The following EIF4EBP1 variants were observed in gnomAD, a reference collection of about 807,000 sequenced individuals.
The protein encoded by EIF4EBP1 is eukaryotic translation initiation factor 4E binding protein 1.
A neutral mutation model predicts 9.2 loss-of-function variants in EIF4EBP1; 5 were observed. The ratio of observed to expected loss-of-function variants is 0.54; its 90% CI spans 0.28 to 1.14. EIF4EBP1 has a LOEUF of 1.14. Ranked by LOEUF, EIF4EBP1 falls within the 50% of genes most tolerant of loss-of-function variation. The probability of loss-of-function intolerance (pLI) is 0.09; values close to 1 mark genes in which losing one functional copy is unlikely to be tolerated. For missense variants in EIF4EBP1, 139 were observed against 169.6 expected (o/e 0.82, Z 1.00); for synonymous variants, 62 against 67.0 (o/e 0.93, Z 0.36).
chr8:38,052,061 G>A (rs184120442), intron 1 of EIF4EBP1, among the ~76,000 whole-genome samples: 1 of 152,272 alleles, frequency 6.6e-6, no homozygotes, highest in East Asian at 1.9e-4. Context: ...GTTTTATGTG[G>A]AGGCCACCCT....
rs183859618 is a variant in EIF4EBP1 at position 38,033,994 on chromosome 8, C to T, written c.145+3276C>T. 7.9e-3 allele frequency among the ~76,000 whole-genome samples: 1,207 copies of T among 152,188 alleles called. 17 individuals are homozygous for T. Among genetic ancestry groups the T allele is most frequent in the African/African-American group, 0.028 (1,152 of 41,534 alleles). On this transcript the variant is annotated intron_variant, in intron 1 of 2. Coordinates refer to ENST00000338825, the MANE Select transcript of EIF4EBP1 (RefSeq NM_004095.4). ...ATCTCCTGACCTCGTGATCCGCCTG[C>T]ATTGGCCTCCCAAAGTACTGGGATT...
At chr8:38,031,393 G>A (rs1809217198) in intron 1 of EIF4EBP1, among the ~76,000 whole-genome samples, 1 of 152,162 alleles carries the variant, frequency 6.6e-6, no homozygotes, top group Non-Finnish European at 1.5e-5. Flanking sequence ...AGAGGATGAG[G>A]AAGAGGAAGC....
intron 1 of EIF4EBP1, among the ~76,000 whole-genome samples, chr8:38,033,792 G>T (rs1392537315): frequency 8.1e-6 from 1 of 123,878 alleles, no homozygotes; most frequent in East Asian, 2.4e-4. Context: ...TGTCGCCCAA[G>T]CTGGAGTGCA....
chr8:38,059,451 C>T (rs1282359614), intron 2 of EIF4EBP1, among the ~76,000 whole-genome samples: 1 of 152,124 alleles, frequency 6.6e-6, no homozygotes, highest in East Asian at 1.9e-4. Flanking sequence ...AACCGCGAGC[C>T]AGTTAAACCT....
intron 1 of EIF4EBP1, among the ~76,000 whole-genome samples, chr8:38,052,230 T>C (rs1809535857): frequency 6.6e-6 from 1 of 151,742 alleles, no homozygotes; most frequent in African/African-American, 2.4e-5. Flanking sequence ...CAAGTAGCTC[T>C]GCAGCAGGTG....
rs1809199219 is a variant in EIF4EBP1, at chr8:38,030,537, G to T, written c.-37G>T. 9.4e-6 allele frequency: 14 copies of T among 1,484,488 alleles called. No homozygotes were observed. Among genetic ancestry groups the T allele is most frequent in the South Asian group, 2.6e-5 (2 of 78,392 alleles). The allele number at this position is 1,484,488 out of a possible 1,614,324, so 92.0% of individuals were successfully genotyped here. The stretch of plus-strand genomic sequence containing the variant: ...GGAGCGAGGCTGGAGGCGCGGGAGG[G>T]CAGCGAGAGGTTCGCGGGTGCAGCG... On this transcript the variant is annotated 5_prime_UTR_variant, in exon 1 of 3. Coordinates refer to ENST00000338825, the MANE Select transcript of EIF4EBP1 (RefSeq NM_004095.4).
intron 1 of EIF4EBP1, among the ~76,000 whole-genome samples, chr8:38,044,669 G>A (rs1809428207): frequency 6.6e-6 from 1 of 152,156 alleles, no homozygotes; most frequent in South Asian, 2.1e-4. Flanking sequence ...CAAACTCCTG[G>A]CCTCAAGCAA....
chr8:38,049,082 G>A (rs972835257), intron 1 of EIF4EBP1, among the ~76,000 whole-genome samples: 5 of 149,254 alleles, frequency 3.3e-5, no homozygotes, highest in South Asian at 2.1e-4. Flanking sequence ...CCGAGATTGC[G>A]CCATTGCACT....
At chr8:38,035,593 A>G (rs1446773788) in intron 1 of EIF4EBP1, among the ~76,000 whole-genome samples, 1 of 151,830 alleles carries the variant, frequency 6.6e-6, no homozygotes, top group Non-Finnish European at 1.5e-5. Flanking sequence ...CAGTGGCATG[A>G]TTTCAGCTCA....
chr8:38,042,360 G>A (rs1302314511), intron 1 of EIF4EBP1, among the ~76,000 whole-genome samples: 2 of 152,212 alleles, frequency 1.3e-5, no homozygotes, highest in Non-Finnish European at 2.9e-5. Context: ...TAAGGAGCAT[G>A]TGTGTGAGTG....
rs115148374 is a variant in EIF4EBP1, at chr8:38,036,930, A to G, written c.145+6212A>G. On this transcript the variant is annotated intron_variant, in intron 1 of 2. Transcript: ENST00000338825. The stretch of plus-strand genomic sequence containing the variant: ...CTCCCAAAGTTCTGGGATTAGAGGC[A>G]TGCTCCACTGTGCTTGGCCTGGGAA... Among the ~76,000 whole-genome samples, 1,227 of 151,846 alleles carry G rather than the reference A, an allele frequency of 8.1e-3. 12 individuals carry two copies. Among genetic ancestry groups the G allele is most frequent in the African/African-American group, 0.028 (1,144 of 41,408 alleles).
intron 1 of EIF4EBP1, among the ~76,000 whole-genome samples, chr8:38,040,866 C>CTGTTGTTGTTGTTGTTGTTGTTGT: frequency 6.6e-6 from 1 of 151,572 alleles, no homozygotes; most frequent in African/African-American, 2.4e-5. Context: ...AAATACATGC[C>CTGTTGTTGTTGTTGTTGTTGTTGT]TGTTGTTGTT....
intron 1 of EIF4EBP1, among the ~76,000 whole-genome samples, chr8:38,043,692 G>A (rs1362875010): frequency 6.6e-6 from 1 of 152,100 alleles, no homozygotes; most frequent in Non-Finnish European, 1.5e-5. Context: ...CCATGCCAGG[G>A]CCTCAGAGGG....
intron 1 of EIF4EBP1, among the ~76,000 whole-genome samples, chr8:38,034,880 G>A (rs1360469750): frequency 6.6e-6 from 1 of 152,128 alleles, no homozygotes; most frequent in Non-Finnish European, 1.5e-5. Context: ...TATTAAGGAT[G>A]GGTTAAAAGA....
In EIF4EBP1 at chr8:38,030,666, C is replaced by A. The variant is rs766284321; in HGVS notation, c.93C>A (p.Pro31=). 7.3e-6 allele frequency: 11 copies of A among 1,501,064 alleles called. No individual in the cohort carries two copies. In the South Asian group the frequency reaches 1.1e-4, roughly 15 times the overall value. 93.0% of individuals were successfully genotyped at this position (1,501,064 alleles called of 1,614,324 possible). A position where few individuals can be genotyped will look rare whatever the true frequency, so the allele number is the denominator to read the frequency against. Residue 31 remains proline, a synonymous_variant, in exon 1 of 3, where the codon CCC becomes CCA. Transcript: ENST00000338825. ...TCGGCGACGGCGTGCAGCTCCCGCCCGGGGACTACAGCACGACCCCCGGCG... is the reference window on the plus strand; with the variant it reads ...TCGGCGACGGCGTGCAGCTCCCGCCAGGGGACTACAGCACGACCCCCGGCG... ...VVLGDGVQLP[P]GDYSTTPGGT... is the part of the protein sequence containing the mutation.
Position 38,059,988 on chromosome 8 carries a change from G to A in EIF4EBP1, c.*53G>A. On this transcript the variant is annotated 3_prime_UTR_variant, in exon 3 of 3. Coordinates refer to ENST00000338825, the MANE Select transcript of EIF4EBP1 (RefSeq NM_004095.4). ...CAAGGGGCCCCTCAGGGCCTTCCTG[G>A]GAGGAGTCCCACCAGCCAGGCCTTA... 2 of 1,444,206 alleles carry A rather than the reference G, an allele frequency of 1.4e-6. No individual in the cohort carries two copies. Among genetic ancestry groups the A allele is most frequent in the South Asian group, 2.3e-5 (2 of 86,104 alleles). 89.5% of individuals were successfully genotyped at this position (1,444,206 alleles called of 1,614,324 possible). A position where few individuals can be genotyped will look rare whatever the true frequency, so the allele number is the denominator to read the frequency against.
Position 38,043,895 on chromosome 8 carries a change from A to G in EIF4EBP1, c.145+13177A>G, listed in dbSNP as rs1214961614. ...CCCGGCAGTTCTGTCCTGCTTGTTA[A>G]ATAGACCATCCAGCCAGAAAAGCCA... On this transcript the variant is annotated intron_variant, in intron 1 of 2. Coordinates refer to ENST00000338825, the MANE Select transcript of EIF4EBP1 (RefSeq NM_004095.4). Among the ~76,000 whole-genome samples, 3 of 151,998 alleles carry G rather than the reference A, an allele frequency of 2.0e-5. No individual in the cohort carries two copies. In the East Asian group the frequency reaches 5.8e-4, roughly 29 times the overall value.
intron 2 of EIF4EBP1, among the ~76,000 whole-genome samples, 158 bp downstream of exon 2, chr8:38,057,418 T>C (rs1025787569): frequency 6.6e-6 from 1 of 151,998 alleles, no homozygotes; most frequent in African/African-American, 2.4e-5. Flanking sequence ...AGAGTAGGGG[T>C]GGGGAGGTTG....
At chr8:38,033,702 G>A (rs1292627779) in intron 1 of EIF4EBP1, among the ~76,000 whole-genome samples, 1 of 151,472 alleles carries the variant, frequency 6.6e-6, no homozygotes, top group African/African-American at 2.4e-5. Context: ...AGCAGCAGTT[G>A]GGTTGCACTA....
Sources: gnomAD v4.1 joint callset for allele counts (sites outside exome capture counted in the v4.1 genomes callset) on GRCh38, gnomAD v4.1.1 for gene constraint, MANE v1.5 for transcripts, NCBI Gene and HGNC (gene_info 2026-07-23, HGNC 2026-07-21) for gene names.